Variants in SHQ1 observed in about 807,000 individuals in gnomAD.
SHQ1 encodes the protein protein SHQ1 homolog.
In SHQ1, 49 loss-of-function variants were observed where a neutral mutation model predicts 53.8. The ratio of observed to expected loss-of-function variants is 0.91; its 90% CI spans 0.72 to 1.16. The LOEUF (loss-of-function observed/expected upper bound fraction) is 1.16. SHQ1 is among the 50% of genes most tolerant of loss of function. The probability of loss-of-function intolerance (pLI) is 0.00; values close to 1 mark genes in which losing one functional copy is unlikely to be tolerated. For synonymous variants in SHQ1, 243 were observed against 251.0 expected (o/e 0.97, Z 0.30); for missense variants, 738 against 683.1 (o/e 1.08, Z -0.90).
At chr3:72,761,789 G>A (rs1219491026) in intron 10 of SHQ1, among the ~76,000 whole-genome samples, 2 of 152,144 alleles carry the variant, frequency 1.3e-5, no homozygotes, top group Non-Finnish European at 2.9e-5. Flanking sequence ...TATTATCACA[G>A]AAAGACAACT....
intron 10 of SHQ1, among the ~76,000 whole-genome samples, chr3:72,784,156 A>G (rs1455058060): frequency 6.9e-6 from 1 of 144,210 alleles, no homozygotes. Context: ...AAAGATACAA[A>G]TTACAAATTA....
At chr3:72,735,439 T>G in the SHQ1 span, among the ~76,000 whole-genome samples, 3 of 140,224 alleles carry the variant, frequency 2.1e-5, no homozygotes, top group African/African-American at 7.9e-5. Flanking sequence ...CTGGGACTGT[T>G]ATATGGGCTT....
At position 72,807,840 on chromosome 3, in the gene SHQ1, G is replaced by A. The variant is rs1488161615; in HGVS notation, c.1060+4831C>T. Among the ~76,000 whole-genome samples the A allele has an allele frequency of 2.0e-5, 3 of 152,126 alleles. No homozygotes were observed. The East Asian group carries it at 5.8e-4, about 29-fold the overall frequency. ...AGAGGTTAGTAAAGCAGTAATTTCTGAAAATTTGTTTATTGAGCCCAATTA... is the reference window on the plus strand; with the variant it reads ...AGAGGTTAGTAAAGCAGTAATTTCTAAAAATTTGTTTATTGAGCCCAATTA... On this transcript the variant is annotated intron_variant, in intron 9 of 10. Transcript: ENST00000325599.
At chr3:72,844,524 T>C in intron 1 of SHQ1, 101 bp from the exon 2 acceptor site, 3 of 894,098 alleles carry the variant, frequency 3.4e-6, no homozygotes, top group Non-Finnish European at 5.6e-6. Context: ...ATATCAATCA[T>C]TTTTTAAGAA....
chr3:72,841,934 C>T (rs9848364), intron 3 of SHQ1, among the ~76,000 whole-genome samples: 3,077 of 152,260 alleles, frequency 0.02, 111 homozygotes, highest in African/African-American at 0.072. Context: ...AGGTTCCTAA[C>T]GGGCCATGGA....
At chr3:72,843,279 C>A (rs1015007954) in intron 2 of SHQ1, among the ~76,000 whole-genome samples, 1 of 152,166 alleles carries the variant, frequency 6.6e-6, no homozygotes, top group East Asian at 1.9e-4. Flanking sequence ...AATACCTAAT[C>A]CAATGGAGAA....
chr3:72,769,761 C>T (rs887233590), intron 10 of SHQ1, among the ~76,000 whole-genome samples: 1 of 152,176 alleles, frequency 6.6e-6, no homozygotes, highest in South Asian at 2.1e-4. Flanking sequence ...TCTAAATGCT[C>T]CATAACAGAG....
chr3:72,809,307 T>TA (rs1707048010), intron 9 of SHQ1, among the ~76,000 whole-genome samples: 1 of 152,162 alleles, frequency 6.6e-6, no homozygotes, highest in Non-Finnish European at 1.5e-5. Flanking sequence ...GCACTGAAAT[T>TA]AGACTCCTCT....
the SHQ1 span, among the ~76,000 whole-genome samples, chr3:72,742,619 CTTTTTTTT>C: frequency 7.8e-6 from 1 of 128,612 alleles, no homozygotes; most frequent in Non-Finnish European, 1.6e-5. Flanking sequence ...TTCTTTTTTT[CTTTTTTTT>C]TTTTTTTGAG....
rs1450973002 is a variant in SHQ1, at chr3:72,844,452, T to C, written c.144-29A>G. On this transcript the variant is annotated intron_variant, in intron 1 of 10. Transcript: ENST00000325599. The stretch of plus-strand genomic sequence containing the variant: ...CAGATTTAACACAGGTCTCATGAAG[T>C]CCTTAAATTATAACGTAACATAAGT... The C allele has an allele frequency of 2.5e-6, 4 of 1,580,180 alleles. No homozygotes were observed. The East Asian group carries it at 9.0e-5, about 35-fold the overall frequency.
chr3:72,818,580 C>T (rs1707383396), intron 6 of SHQ1, among the ~76,000 whole-genome samples: 1 of 152,070 alleles, frequency 6.6e-6, no homozygotes, highest in African/African-American at 2.4e-5. Flanking sequence ...CAATCATTTC[C>T]AGGTTAATAA....
intron 10 of SHQ1, among the ~76,000 whole-genome samples, chr3:72,788,239 G>C (rs1706305264): frequency 6.6e-6 from 1 of 151,684 alleles, no homozygotes; most frequent in African/African-American, 2.4e-5. Flanking sequence ...GAGTGTCTCT[G>C]TCTGGCCGCC....
chr3:72,847,101 G>T (rs1176076779), intron 1 of SHQ1, among the ~76,000 whole-genome samples: 1 of 152,118 alleles, frequency 6.6e-6, no homozygotes, highest in Non-Finnish European at 1.5e-5. Context: ...ATGAGGGCAG[G>T]ACTTTGTCTT....
Position 72,779,502 on chromosome 3 carries a change from G to A in SHQ1, c.1181+13414C>T, listed in dbSNP as rs7611465. 5.1e-3 allele frequency among the ~76,000 whole-genome samples: 780 copies of A among 152,282 alleles called. 10 individuals carry two copies. Among genetic ancestry groups the A allele is most frequent in the African/African-American group, 0.018 (750 of 41,552 alleles). On this transcript the variant is annotated intron_variant, in intron 10 of 10. Coordinates refer to ENST00000325599, the MANE Select transcript of SHQ1 (RefSeq NM_018130.3). ...TTAATTTTACTTTTTGTGTATGCAAGTATTTGATTAATACTTCTCTCCTCA... is the reference window on the plus strand; with the variant it reads ...TTAATTTTACTTTTTGTGTATGCAAATATTTGATTAATACTTCTCTCCTCA...
chr3:72,751,502 G>GTA (rs1469973919), intron 10 of SHQ1, among the ~76,000 whole-genome samples: 18 of 118,814 alleles, frequency 1.5e-4, no homozygotes, highest in African/African-American at 7.2e-4. Context: ...GTGTGTGTGT[G>GTA]TGTGTGTATA....
intron 4 of SHQ1, among the ~76,000 whole-genome samples, chr3:72,833,283 A>G (rs1707877489): frequency 6.6e-6 from 1 of 152,082 alleles, no homozygotes. Flanking sequence ...TCCACAAAAA[A>G]TACAAAAATT....
At position 72,750,831 on chromosome 3, in the gene SHQ1, T is replaced by C; in HGVS notation, c.1187A>G (p.Lys396Arg). The change falls in exon 11 of 11, where the codon AAA becomes AGA. Residue 396 changes from lysine to arginine, a missense_variant. Coordinates refer to ENST00000325599, the MANE Select transcript of SHQ1 (RefSeq NM_018130.3). ...YCVWIQKVKS[K>R]KLAALAEALK... ...GGCTTCTGCAAGAGCTGCCAACTTTTTGGATCTTGAAAACATTTTAAAAAG... is the reference window on the plus strand; with the variant it reads ...GGCTTCTGCAAGAGCTGCCAACTTTCTGGATCTTGAAAACATTTTAAAAAG... 3 of 1,508,472 alleles carry C rather than the reference T, an allele frequency of 2.0e-6. No homozygotes were observed. Among genetic ancestry groups the C allele is most frequent in the Non-Finnish European group, 2.7e-6 (3 of 1,128,124 alleles). The allele number at this position is 1,508,472 out of a possible 1,614,324, so 93.4% of individuals were successfully genotyped here. A position where few individuals can be genotyped will look rare whatever the true frequency, so the allele number is the denominator to read the frequency against.
chr3:72,790,309 T>C (rs1247796718), intron 10 of SHQ1, among the ~76,000 whole-genome samples: 1 of 152,264 alleles, frequency 6.6e-6, no homozygotes, highest in Non-Finnish European at 1.5e-5. Flanking sequence ...ATGACTTTGC[T>C]ACCTACGTTT....
chr3:72,825,979 G>A (rs1643946369), intron 5 of SHQ1, among the ~76,000 whole-genome samples: 1 of 152,126 alleles, frequency 6.6e-6, no homozygotes, highest in Non-Finnish European at 1.5e-5. Context: ...TATAGGCATG[G>A]GGTACTATCA....
Sources: allele counts gnomAD v4.1 joint callset (sites outside exome capture counted in the v4.1 genomes callset), GRCh38; gene constraint gnomAD v4.1.1; transcripts MANE v1.5; gene names NCBI Gene and HGNC (gene_info 2026-07-23, HGNC 2026-07-21).